TAFA4: variants seen among roughly 807,000 people sequenced by gnomAD.
TAFA4 encodes the protein chemokine-like protein TAFA-4.
Under a neutral mutation model 21.1 loss-of-function variants are expected in TAFA4, and 20 were observed. That is an observed-to-expected ratio of 0.95 (90% CI 0.67 to 1.38). The LOEUF is 1.38. Among genes scored for constraint, TAFA4 ranks in the 40% most tolerant of loss-of-function variants. TAFA4 has a pLI of 0.00. For synonymous variants in TAFA4, 71 were observed against 67.4 expected (o/e 1.05, Z -0.26); for missense variants, 211 against 180.9 (o/e 1.17, Z -0.95).
At position 68,910,659 on chromosome 3, in the gene TAFA4, G is replaced by T. The variant is rs572154994; in HGVS notation, c.-123+21581C>A. Among the ~76,000 whole-genome samples the T allele has an allele frequency of 2.2e-4, 33 of 152,344 alleles. 1 individual carries two copies. The East Asian group carries it at 6.4e-3, about 29-fold the overall frequency. On this transcript the variant is annotated intron_variant, in intron 1 of 5. Coordinates refer to ENST00000295569, the MANE Select transcript of TAFA4 (RefSeq NM_182522.5). ...AATTTGAATGCCCAGACTTCTGCACGTAGACATTCCTTTTGTTCCTTCCTG... is the reference window on the plus strand; with the variant it reads ...AATTTGAATGCCCAGACTTCTGCACTTAGACATTCCTTTTGTTCCTTCCTG...
In TAFA4 at chr3:68,885,322, A is replaced by G. The variant is rs2089659967; in HGVS notation, c.-122-12T>C. On this transcript the variant is annotated splice_polypyrimidine_tract_variant and intron_variant, in intron 1 of 5. Transcript: ENST00000295569. Reference sequence around the variant, plus strand: ...GTAGCTCAGAAGACCTATGTTAAAAAGGCCAAAAAAAAAAAAGGAATCAAT... The same window carrying G: ...GTAGCTCAGAAGACCTATGTTAAAAGGGCCAAAAAAAAAAAAGGAATCAAT... 4.4e-6 allele frequency: 3 copies of G among 687,528 alleles called. No homozygotes were observed. The highest frequency in any genetic ancestry group is 3.0e-5 in the Admixed American group (1 of 33,454). 42.6% of individuals were successfully genotyped at this position (687,528 alleles called of 1,614,324 possible).
intron 3 of TAFA4, among the ~76,000 whole-genome samples, chr3:68,844,976 G>C (rs977428270): frequency 9.2e-5 from 14 of 152,210 alleles, no homozygotes; most frequent in African/African-American, 3.4e-4. Context: ...ATGTGGTGCT[G>C]AGAAGAATGT....
chr3:68,760,261 T>A lies in TAFA4; in HGVS notation c.131-7243A>T, dbSNP rs560676867. On this transcript the variant is annotated intron_variant, in intron 3 of 5. Transcript: ENST00000295569. ...GAATAAATAGCTTAAATACATATCA[T>A]TTTTTTCTTATTAAATATACTTTTA... Among the ~76,000 whole-genome samples, 8 of 152,312 alleles carry A rather than the reference T, an allele frequency of 5.3e-5. No individual in the cohort carries two copies. The East Asian group carries it at 1.5e-3, about 29-fold the overall frequency.
chr3:68,773,382 C>G (rs941176720), intron 3 of TAFA4, among the ~76,000 whole-genome samples: 1 of 152,224 alleles, frequency 6.6e-6, no homozygotes, highest in Non-Finnish European at 1.5e-5. Flanking sequence ...GTACAACACC[C>G]TCCTGAAACA....
chr3:68,894,158 C>CTT (rs79469344), intron 1 of TAFA4, among the ~76,000 whole-genome samples: 10 of 137,172 alleles, frequency 7.3e-5, no homozygotes, highest in African/African-American at 2.4e-4. Context: ...TTACTTGTTA[C>CTT]TTTTTTTTTT....
intron 3 of TAFA4, among the ~76,000 whole-genome samples, chr3:68,840,040 G>C (rs1575634774): frequency 6.6e-6 from 1 of 152,146 alleles, no homozygotes. Flanking sequence ...AGCTGTCTAT[G>C]CCACTGTCTT....
rs762741649 is a variant in TAFA4, at chr3:68,752,853, G to C, written c.286+10C>G. 6.2e-7 allele frequency: 1 copy of C among 1,614,046 alleles called. No individual in the cohort carries two copies. Among genetic ancestry groups the C allele is most frequent in the Non-Finnish European group, 8.5e-7 (1 of 1,179,994 alleles). ...TGAAATACCAGAGATGCTGACCAGAGAGGTCTTACCTTCAACACAAGAAGG... is the reference window on the plus strand; with the variant it reads ...TGAAATACCAGAGATGCTGACCAGACAGGTCTTACCTTCAACACAAGAAGG... On this transcript the variant is annotated intron_variant, in intron 4 of 5. Transcript: ENST00000295569.
intron 3 of TAFA4, among the ~76,000 whole-genome samples, chr3:68,848,986 T>G (rs11706613): frequency 0.29 from 44,174 of 151,948 alleles, 7,276 homozygotes; most frequent in Non-Finnish European, 0.38. Flanking sequence ...CTCTGAAATT[T>G]CTCCCTAAAA....
chr3:68,826,430 C>T (rs556871185), intron 3 of TAFA4, among the ~76,000 whole-genome samples: 3 of 152,012 alleles, frequency 2.0e-5, no homozygotes, highest in African/African-American at 4.8e-5. Flanking sequence ...AAAATTGGCT[C>T]GGCATGGTGG....
At chr3:68,797,676 G>A (rs1268072487) in intron 3 of TAFA4, among the ~76,000 whole-genome samples, 1 of 151,242 alleles carries the variant, frequency 6.6e-6, no homozygotes, top group Non-Finnish European at 1.5e-5. Flanking sequence ...AAGAACATGA[G>A]GATATTATCT....
intron 3 of TAFA4, among the ~76,000 whole-genome samples, chr3:68,854,508 G>T (rs923412552): frequency 2.0e-5 from 3 of 152,122 alleles, no homozygotes; most frequent in African/African-American, 7.2e-5. Context: ...AGCTGCTCTT[G>T]TGAGTTATCT....
At chr3:68,833,367 C>T (rs1018484128) in intron 3 of TAFA4, among the ~76,000 whole-genome samples, 1 of 152,146 alleles carries the variant, frequency 6.6e-6, no homozygotes, top group Non-Finnish European at 1.5e-5. Flanking sequence ...GTTACCTATT[C>T]CTCAAAGCAC....
intron 1 of TAFA4, among the ~76,000 whole-genome samples, chr3:68,900,481 T>A (rs2089835218): frequency 6.6e-6 from 1 of 152,040 alleles, no homozygotes; most frequent in African/African-American, 2.4e-5. Flanking sequence ...TGTCCTCCAC[T>A]AAGTTAACTC....
At chr3:68,783,712 AAAAAG>A (rs1485663156) in intron 3 of TAFA4, among the ~76,000 whole-genome samples, 14 of 60,168 alleles carry the variant, frequency 2.3e-4, no homozygotes, top group Admixed American at 1.3e-3. Context: ...AGAGAGAAAG[AAAAAG>A]AAAGAAAGAA....
intron 3 of TAFA4, among the ~76,000 whole-genome samples, chr3:68,880,347 G>A (rs2089601283): frequency 6.6e-6 from 1 of 151,732 alleles, no homozygotes; most frequent in Non-Finnish European, 1.5e-5. Context: ...GTTAGTTTAA[G>A]TTTATCATAA....
chr3:68,853,819 G>T (rs1450523399), intron 3 of TAFA4, among the ~76,000 whole-genome samples: 2 of 152,144 alleles, frequency 1.3e-5, no homozygotes, highest in African/African-American at 4.8e-5. Context: ...TTCAACTGCT[G>T]TGTCTCAGTT....
chr3:68,800,504 G>A (rs1029170237), intron 3 of TAFA4, among the ~76,000 whole-genome samples: 2 of 152,122 alleles, frequency 1.3e-5, no homozygotes, highest in African/African-American at 2.4e-5. Flanking sequence ...CAAACTTGTC[G>A]AAACAGATAG....
At chr3:68,924,085 A>C (rs1012554490) in intron 1 of TAFA4, among the ~76,000 whole-genome samples, 2 of 152,230 alleles carry the variant, frequency 1.3e-5, no homozygotes, top group African/African-American at 4.8e-5. Context: ...TCAAAAAATT[A>C]AACACAGAAT....
intron 3 of TAFA4, among the ~76,000 whole-genome samples, chr3:68,804,697 T>C (rs1056151010): frequency 1.3e-5 from 2 of 152,142 alleles, no homozygotes; most frequent in African/African-American, 4.8e-5. Flanking sequence ...AAACAAGCAA[T>C]GGGGAAAGGA....
Sources: gnomAD v4.1 joint callset for allele counts (sites outside exome capture counted in the v4.1 genomes callset) on GRCh38, gnomAD v4.1.1 for gene constraint, MANE v1.5 for transcripts, NCBI Gene and HGNC (gene_info 2026-07-23, HGNC 2026-07-21) for gene names.